Variants in ADAM9 observed in about 807,000 individuals in gnomAD.
The protein encoded by ADAM9 is ADAM metallopeptidase domain 9, also known as disintegrin and metalloproteinase domain-containing protein 9.
In ADAM9, 54 loss-of-function variants were observed where a neutral mutation model predicts 108.1. The ratio of observed to expected loss-of-function variants is 0.50; its 90% confidence interval spans 0.40 to 0.63. The LOEUF is 0.63. ADAM9 is among the 20% of genes least tolerant of loss of function. The probability of loss-of-function intolerance (pLI) is 0.00; values close to 1 mark genes in which losing one functional copy is unlikely to be tolerated. For synonymous variants in ADAM9, 316 were observed against 336.0 expected (o/e 0.94, Z 0.65); for missense variants, 830 against 997.7 (o/e 0.83, Z 2.26).
intron 9 of ADAM9, among the ~76,000 whole-genome samples, chr8:39,025,315 T>C (rs1277577355): frequency 6.6e-6 from 1 of 152,108 alleles, no homozygotes; most frequent in Non-Finnish European, 1.5e-5. Context: ...CAGGCTTGTC[T>C]CAAACTCCTG....
chr8:39,088,299 TC>T (rs1314845167), intron 18 of ADAM9, among the ~76,000 whole-genome samples: 6 of 151,596 alleles, frequency 4.0e-5, no homozygotes, highest in Non-Finnish European at 8.8e-5. Context: ...GGAGTCTCGC[TC>T]TGTTGCCCAC....
At position 39,024,024 on chromosome 8, in the gene ADAM9, G is replaced by A. The variant is rs1329104103; in HGVS notation, c.914+699G>A. Among the ~76,000 whole-genome samples, 4 of 152,082 alleles carry A rather than the reference G, an allele frequency of 2.6e-5. No homozygotes were observed. In the East Asian group the frequency reaches 7.7e-4, roughly 29 times the overall value. On this transcript the variant is annotated intron_variant, in intron 9 of 21. Coordinates refer to ENST00000487273, the MANE Select transcript of ADAM9 (RefSeq NM_003816.3). ...GCCTCCCACAGTGCTGGGATTATAG[G>A]CGTGACACTGGGTATAAAATTGTAT...
chr8:39,018,965 G>A, intron 7 of ADAM9, 47 bp downstream of exon 7: 1 of 1,513,128 alleles, frequency 6.6e-7, no homozygotes, highest in South Asian at 1.1e-5. Flanking sequence ...AAGGATATGA[G>A]AAGTGAGCAT....
intron 1 of ADAM9, among the ~76,000 whole-genome samples, chr8:39,000,617 A>T (rs1017203652): frequency 6.6e-6 from 1 of 151,800 alleles, no homozygotes; most frequent in African/African-American, 2.4e-5. Flanking sequence ...GTGTGTCACC[A>T]TGCTTGGCTA....
intron 6 of ADAM9, 138 bp from the exon 7 acceptor site, chr8:39,018,715 A>G (rs184497925): frequency 4.3e-5 from 34 of 789,006 alleles, no homozygotes; most frequent in Non-Finnish European, 6.6e-5. Flanking sequence ...CATATTTTTC[A>G]CTTTCTTGAT....
At chr8:39,013,808 A>G (rs943237690) in intron 3 of ADAM9, among the ~76,000 whole-genome samples, 157 bp from the exon 4 acceptor site, 4 of 151,986 alleles carry the variant, frequency 2.6e-5, no homozygotes, top group Non-Finnish European at 5.9e-5. Context: ...AGCTGTTATG[A>G]GCTTTTAATT....
At chr8:39,033,057 A>G (rs1837148683) in intron 11 of ADAM9, among the ~76,000 whole-genome samples, 1 of 152,218 alleles carries the variant, frequency 6.6e-6, no homozygotes, top group South Asian at 2.1e-4. Flanking sequence ...GTATGTGAGC[A>G]TGAAATATCT....
At chr8:39,042,171 A>C in intron 12 of ADAM9, 54 bp downstream of exon 12, 1 of 1,599,444 alleles carries the variant, frequency 6.3e-7, no homozygotes, top group Non-Finnish European at 8.6e-7. Context: ...ATTTGCAAGA[A>C]ATAAAATGGC....
In ADAM9 at chr8:39,023,332, AT is replaced by A. The variant is rs556298911; in HGVS notation, c.914+17del. On this transcript the variant is annotated splice_region_variant and intron_variant, in intron 9 of 21. Coordinates refer to ENST00000487273, the MANE Select transcript of ADAM9 (RefSeq NM_003816.3). Reference sequence around the variant, plus strand: ...ACAGTGCACAGCTAGTTCTGTAAGTATTTTTTTTTTAAGTACTATTAATGAA... The same window carrying A: ...ACAGTGCACAGCTAGTTCTGTAAGTATTTTTTTTTAAGTACTATTAATGAA... The A allele has an allele frequency of 4.5e-3, 6,261 of 1,395,588 alleles. 1 individual carries two copies. The highest frequency in any genetic ancestry group is 0.011 in the Admixed American group (537 of 50,902). The allele number at this position is 1,395,588 out of a possible 1,614,324, so 86.5% of individuals were successfully genotyped here. A position where few individuals can be genotyped will look rare whatever the true frequency, so the allele number is the denominator to read the frequency against.
At chr8:39,071,960 AT>A (rs1838710082) in intron 15 of ADAM9, among the ~76,000 whole-genome samples, 1 of 152,160 alleles carries the variant, frequency 6.6e-6, no homozygotes, top group African/African-American at 2.4e-5. Context: ...TTTATCCTTG[AT>A]TTATAATAAG....
chr8:39,021,659 G>A lies in ADAM9; in HGVS notation c.689G>A (p.Arg230Lys). ...VDKERYDMMGRNQTAVREEMI... is the reference protein window; with the variant it reads ...VDKERYDMMGKNQTAVREEMI... ...CTTTTCCAGTATGACATGATGGGAA[G>A]AAATCAGACTGCTGTGAGAGAAGAG... Residue 230 changes from arginine (R) to lysine (K), a missense_variant, in exon 8 of 22, where the codon AGA becomes AAA. By Grantham distance (26) the Arg-to-Lys change is conservative (BLOSUM62 2). Around this residue, in one of 3 missense-constraint regions of ADAM9, gnomAD observed 381 missense variants for 539.8 expected, o/e 0.71. Transcript: ENST00000487273. 6.2e-7 allele frequency: 1 copy of A among 1,613,996 alleles called. No individual in the cohort carries two copies. The highest frequency in any genetic ancestry group is 8.5e-7 in the Non-Finnish European group (1 of 1,179,860).
rs139829505 is a variant in ADAM9, at chr8:39,007,011, G to A, written c.98-875G>A. Among the ~76,000 whole-genome samples, 1,410 of 152,242 alleles carry A rather than the reference G, an allele frequency of 9.3e-3. 11 individuals carry two copies. The highest frequency in any genetic ancestry group is 0.015 in the Non-Finnish European group (1,029 of 68,028). On this transcript the variant is annotated intron_variant, in intron 1 of 21. Transcript: ENST00000487273. The stretch of plus-strand genomic sequence containing the variant: ...TGTCTTAGTCTGTGTTGCTATAAAG[G>A]AGTACCTGAGACTGGGTAATTTATA...
chr8:39,059,278 C>T (rs972270625), intron 14 of ADAM9, among the ~76,000 whole-genome samples: 2 of 152,184 alleles, frequency 1.3e-5, no homozygotes, highest in Admixed American at 6.6e-5. Context: ...CCAGTAAGAA[C>T]AAAGCACTGC....
Position 39,026,788 on chromosome 8 carries a change from T to C in ADAM9, c.1108T>C (p.Cys370Arg). 1 of 1,612,536 alleles carries C rather than the reference T, an allele frequency of 6.2e-7. No individual in the cohort carries two copies. The stretch of plus-strand genomic sequence containing the variant: ...AGATTGTTCCTGTGGAGCAAAGAGC[T>C]GCATCATGAATTCAGGAGCATCGTG... ...GRDCSCGAKSCIMNSGASGSR... is the reference protein window; with the variant it reads ...GRDCSCGAKSRIMNSGASGSR... The change falls in exon 11 of 22, where the codon TGC (cysteine) becomes CGC (arginine). Residue 370 changes from cysteine to arginine, a missense_variant. Physicochemically the swap from Cys to Arg is radical, Grantham distance 180. Coordinates refer to ENST00000487273, the MANE Select transcript of ADAM9 (RefSeq NM_003816.3).
chr8:39,018,664 C>A (rs1246601413), intron 6 of ADAM9, 189 bp from the exon 7 acceptor site: 1 of 624,594 alleles, frequency 1.6e-6, no homozygotes, highest in Non-Finnish European at 2.8e-6. Context: ...CAGAACTGGA[C>A]AAAGTTTTCA....
Position 39,017,330 on chromosome 8 carries a change from AT to A in ADAM9, c.523del (p.Cys175ValfsTer8). ...MDDVYKEPLKCGVSNKDIEKE... is the reference protein window; with the variant it reads ...MDDVYKEPLKXGVSNKDIEKE... The stretch of plus-strand genomic sequence containing the variant: ...ATGATGTCTACAAAGAGCCTCTGAA[AT>A]GTGGAGTTTCCAACAAGGATATAGA... On this transcript the variant is annotated frameshift_variant, in exon 6 of 22. Coordinates refer to ENST00000487273, the MANE Select transcript of ADAM9 (RefSeq NM_003816.3). LOFTEE classifies it high-confidence loss of function. 1 of 1,614,184 alleles carries A rather than the reference AT, an allele frequency of 6.2e-7. No homozygotes were observed. Among genetic ancestry groups the A allele is most frequent in the Non-Finnish European group, 8.5e-7 (1 of 1,180,032 alleles).
At chr8:39,025,942 T>A (rs1346934446) in intron 10 of ADAM9, 58 bp downstream of exon 10, 1 of 1,503,872 alleles carries the variant, frequency 6.6e-7, no homozygotes, top group African/African-American at 1.4e-5. Context: ...ATCAAGCATT[T>A]ATTGACTGTA....
At chr8:39,058,216 T>A (rs1319835925) in intron 14 of ADAM9, among the ~76,000 whole-genome samples, 1 of 152,220 alleles carries the variant, frequency 6.6e-6, no homozygotes, top group Admixed American at 6.5e-5. Flanking sequence ...GAGAACATAT[T>A]TGCTCAGTAC....
chr8:39,032,901 G>T (rs1464488801), intron 11 of ADAM9, among the ~76,000 whole-genome samples: 2 of 152,088 alleles, frequency 1.3e-5, no homozygotes, highest in African/African-American at 4.8e-5. Flanking sequence ...TATTATATTG[G>T]CTATTCTGGG....
Sources: allele counts gnomAD v4.1 joint callset (sites outside exome capture counted in the v4.1 genomes callset), GRCh38; gene constraint gnomAD v4.1.1; regional missense constraint gnomAD v4.1.1; transcripts MANE v1.5; gene names NCBI Gene and HGNC (gene_info 2026-07-23, HGNC 2026-07-21).